TAF12: variants seen among roughly 807,000 people sequenced by gnomAD.
The protein encoded by TAF12 is TATA-box binding protein associated factor 12.
In TAF12, 3 loss-of-function variants were observed where a neutral mutation model predicts 20.8. The ratio of observed to expected loss-of-function variants is 0.14; its 90% confidence interval spans 0.07 to 0.37. The LOEUF is 0.37. Ranked by LOEUF, TAF12 falls within the 10% of genes least tolerant of loss-of-function variation. The pLI is 1.00. For synonymous variants in TAF12, 69 were observed against 70.2 expected (o/e 0.98, Z 0.09); for missense variants, 131 against 197.9 (o/e 0.66, Z 2.03).
chr1:28,618,503 G>A (rs1291210259), intron 2 of TAF12, among the ~76,000 whole-genome samples: 2 of 151,116 alleles, frequency 1.3e-5, no homozygotes, highest in African/African-American at 2.4e-5. Flanking sequence ...AGCTAGCTGG[G>A]ACCATAGGCA....
At position 28,617,225 on chromosome 1, in the gene TAF12, A is replaced by G. The variant is rs149589623; in HGVS notation, c.246+728T>C. Reference sequence around the variant, plus strand: ...TACAGAAACAGCTAAAATTGTTGAAAGTGATTGCCTGTGAGCAACAGACTA... The same window carrying G: ...TACAGAAACAGCTAAAATTGTTGAAGGTGATTGCCTGTGAGCAACAGACTA... On this transcript the variant is annotated intron_variant, in intron 3 of 5. Transcript: ENST00000373824. Among the ~76,000 whole-genome samples the G allele has an allele frequency of 7.4e-3, 1,132 of 152,314 alleles. 6 individuals are homozygous for G. The highest frequency in any genetic ancestry group is 0.012 in the Non-Finnish European group (830 of 68,030).
intron 1 of TAF12, among the ~76,000 whole-genome samples, chr1:28,628,230 G>GGGA (rs966601642): frequency 1.3e-5 from 1 of 74,318 alleles, no homozygotes; most frequent in African/African-American, 5.4e-5. Context: ...GCAGGGGGTG[G>GGGA]GGGGGGGGGG....
intron 4 of TAF12, among the ~76,000 whole-genome samples, chr1:28,608,829 T>C (rs966165946): frequency 1.3e-5 from 2 of 151,778 alleles, no homozygotes; most frequent in South Asian, 2.1e-4. Flanking sequence ...TAATCCCAGT[T>C]ACTCCGAAGG....
At chr1:28,631,839 T>C (rs1478369173) in intron 1 of TAF12, among the ~76,000 whole-genome samples, 1 of 152,090 alleles carries the variant, frequency 6.6e-6, no homozygotes, top group Middle Eastern at 3.2e-3. Context: ...CAAAAACAAG[T>C]GCTGGAGAGG....
chr1:28,617,506 T>C (rs1373152925), intron 3 of TAF12, among the ~76,000 whole-genome samples: 1 of 151,586 alleles, frequency 6.6e-6, no homozygotes, highest in Non-Finnish European at 1.5e-5. Flanking sequence ...TGGAGTGCAG[T>C]GGCATGGTCT....
rs970893171 is a variant in TAF12, at chr1:28,603,159, C to T, written c.*380G>A. 1.1e-5 allele frequency: 2 copies of T among 186,196 alleles called. No homozygotes were observed. The highest frequency in any genetic ancestry group is 4.7e-5 in the African/African-American group (2 of 42,628). 11.5% of individuals were successfully genotyped at this position (186,196 alleles called of 1,614,324 possible). A position where few individuals can be genotyped will look rare whatever the true frequency, so the allele number is the denominator to read the frequency against. Reference sequence around the variant, plus strand: ...AAAGTCATATTCATATAAACACTGACATTACAAAGTACAGGGAAAAGGGGA... The same window carrying T: ...AAAGTCATATTCATATAAACACTGATATTACAAAGTACAGGGAAAAGGGGA... On this transcript the variant is annotated 3_prime_UTR_variant, in exon 6 of 6. Transcript: ENST00000373824.
At chr1:28,635,094 G>A (rs1359439170) in intron 1 of TAF12, among the ~76,000 whole-genome samples, 1 of 148,528 alleles carries the variant, frequency 6.7e-6, no homozygotes, top group Non-Finnish European at 1.5e-5. Context: ...GACAGGCATG[G>A]TGGCGGGTGC....
At chr1:28,616,593 G>C (rs1009658079) in intron 3 of TAF12, among the ~76,000 whole-genome samples, 3 of 151,662 alleles carry the variant, frequency 2.0e-5, no homozygotes, top group East Asian at 1.9e-4. Flanking sequence ...AATTAGCCAG[G>C]TGTGGTGGCA....
chr1:28,603,478 T>G lies in TAF12; in HGVS notation c.*61A>C. 3.8e-6 allele frequency: 6 copies of G among 1,579,414 alleles called. No individual in the cohort carries two copies. Among genetic ancestry groups the G allele is most frequent in the Non-Finnish European group, 5.2e-6 (6 of 1,152,170 alleles). On this transcript the variant is annotated 3_prime_UTR_variant, in exon 6 of 6. Transcript: ENST00000373824. ...AAAAAAAATCCAAGGATGAGATGGCTGAGTTCTCAGCTCAAGTATCTCCAA... is the reference window on the plus strand; with the variant it reads ...AAAAAAAATCCAAGGATGAGATGGCGGAGTTCTCAGCTCAAGTATCTCCAA...
At chr1:28,630,684 CAAAAG>C (rs138309545) in intron 1 of TAF12, among the ~76,000 whole-genome samples, 3,278 of 152,092 alleles carry the variant, frequency 0.022, 100 homozygotes, top group African/African-American at 0.072. Flanking sequence ...GCACAATCCA[CAAAAG>C]AAAAGAATTG....
chr1:28,633,997 C>G (rs1274547765), intron 1 of TAF12, among the ~76,000 whole-genome samples: 1 of 146,850 alleles, frequency 6.8e-6, no homozygotes, highest in African/African-American at 2.5e-5. Flanking sequence ...GCAGGAGAAT[C>G]ACTTGAACCC....
chr1:28,605,547 G>A, intron 4 of TAF12, 87 bp from the exon 5 acceptor site: 3 of 1,251,470 alleles, frequency 2.4e-6, no homozygotes, highest in East Asian at 2.3e-5. Flanking sequence ...CAGGGAGGAT[G>A]AATGTGGGCA....
At chr1:28,619,369 G>A (rs1667136034) in intron 2 of TAF12, among the ~76,000 whole-genome samples, 1 of 150,168 alleles carries the variant, frequency 6.7e-6, no homozygotes. Flanking sequence ...GTGGTGGCGG[G>A]CGCCTGTAGT....
At position 28,614,613 on chromosome 1, in the gene TAF12, G is replaced by A. The variant is rs2124317221; in HGVS notation, c.247-1252C>T. 1.3e-5 allele frequency among the ~76,000 whole-genome samples: 2 copies of A among 151,816 alleles called. 1 individual carries two copies. Among genetic ancestry groups the A allele is most frequent in the Middle Eastern group, 6.8e-3 (2 of 294 alleles). ...CAGGAGAATCGCTGAAGCCGGGGCA[G>A]CAGAGGTTGCAGTGAGCCGAGACTG... On this transcript the variant is annotated intron_variant, in intron 3 of 5. Transcript: ENST00000373824.
chr1:28,643,498 C>G (rs1668108331), upstream of TAF12: 1 of 152,174 alleles, frequency 6.6e-6, no homozygotes, highest in South Asian at 2.1e-4. Context: ...AACAGAGGAA[C>G]CAGGAGATGA....
chr1:28,646,993 C>T (rs867336112), upstream of TAF12, among the ~76,000 whole-genome samples: 25 of 151,742 alleles, frequency 1.6e-4, no homozygotes, highest in Middle Eastern at 3.2e-3. Flanking sequence ...CCACCGCACC[C>T]GGCCAATTTT....
At chr1:28,617,597 C>T (rs768938228) in intron 3 of TAF12, among the ~76,000 whole-genome samples, 1 of 151,994 alleles carries the variant, frequency 6.6e-6, no homozygotes, top group Non-Finnish European at 1.5e-5. Context: ...CAGGCGCCCG[C>T]CACCATGCCC....
At chr1:28,642,594 G>T (rs940018965) in intron 1 of TAF12, 1 of 970,972 alleles carries the variant, frequency 1.0e-6, no homozygotes, top group East Asian at 1.1e-4. Flanking sequence ...TTAGGAGCCC[G>T]GGTCTTCACT....
upstream of TAF12, among the ~76,000 whole-genome samples, chr1:28,645,330 C>T (rs1252226156): frequency 1.3e-5 from 2 of 150,086 alleles, no homozygotes; most frequent in Non-Finnish European, 3.0e-5. Context: ...CCACTGCGCC[C>T]GGCCTCTTCT....
Sources: gnomAD v4.1 joint callset for allele counts (sites outside exome capture counted in the v4.1 genomes callset) on GRCh38, gnomAD v4.1.1 for gene constraint, MANE v1.5 for transcripts, NCBI Gene and HGNC (gene_info 2026-07-23, HGNC 2026-07-21) for gene names.